The following RIOK1 variants were observed in gnomAD, a reference collection of about 807,000 sequenced individuals.
The protein encoded by RIOK1 is RIO kinase 1.
Under a neutral mutation model 73.5 loss-of-function variants are expected in RIOK1, and 66 were observed. The ratio of observed to expected loss-of-function variants is 0.90; its 90% CI spans 0.74 to 1.10. The LOEUF is 1.10. Among genes scored for constraint, RIOK1 ranks in the 50% least tolerant of loss-of-function variants. The pLI is 0.00. For missense variants in RIOK1, 658 were observed against 699.8 expected, an observed-to-expected ratio of 0.94 and a Z score of 0.67; for synonymous variants, 224 against 226.8, an observed-to-expected ratio of 0.99 and a Z score of 0.11.
intron 12 of RIOK1, among the ~76,000 whole-genome samples, chr6:7,407,077 A>T (rs1761764624): frequency 6.6e-6 from 1 of 152,234 alleles, no homozygotes; most frequent in Non-Finnish European, 1.5e-5. Flanking sequence ...GGCTATTCTG[A>T]ATAATGCTGC....
At chr6:7,390,604 G>C (rs933452803) in intron 1 of RIOK1, among the ~76,000 whole-genome samples, 1 of 152,194 alleles carries the variant, frequency 6.6e-6, no homozygotes, top group Non-Finnish European at 1.5e-5. Context: ...GAATGACAAG[G>C]AGCTAATCCT....
intron 16 of RIOK1, 106 bp downstream of exon 16, chr6:7,414,496 T>C: frequency 9.5e-7 from 1 of 1,055,932 alleles, no homozygotes; most frequent in Non-Finnish European, 1.4e-6. Flanking sequence ...AAAACATTAT[T>C]GATAAGTACC....
rs752734638 is a variant in RIOK1 at position 7,402,916 on chromosome 6, T to C, written c.767+19T>C. The stretch of plus-strand genomic sequence containing the variant: ...TAATCAGGTGACTGTCTGGGATGTG[T>C]GTATGTCTGTCCTATGCCCTGTACA... On this transcript the variant is annotated intron_variant, in intron 8 of 16. Coordinates refer to ENST00000379834, the MANE Select transcript of RIOK1 (RefSeq NM_031480.3). 5 of 1,608,680 alleles carry C rather than the reference T, an allele frequency of 3.1e-6. No homozygotes were observed. In the South Asian group the frequency reaches 5.5e-5, roughly 18 times the overall value.
At chr6:7,401,804 G>A (rs934121923) in intron 6 of RIOK1, among the ~76,000 whole-genome samples, 2 of 144,490 alleles carry the variant, frequency 1.4e-5, no homozygotes, top group Non-Finnish European at 1.5e-5. Flanking sequence ...TCACCCTCCC[G>A]AATAGCTGGG....
Position 7,402,914 on chromosome 6 carries a change from T to C in RIOK1, c.767+17T>C. 6.2e-7 allele frequency: 1 copy of C among 1,608,612 alleles called. No individual in the cohort carries two copies. The highest frequency in any genetic ancestry group is 8.5e-7 in the Non-Finnish European group (1 of 1,175,622). On this transcript the variant is annotated intron_variant, in intron 8 of 16. Transcript: ENST00000379834. ...CTTAATCAGGTGACTGTCTGGGATGTGTGTATGTCTGTCCTATGCCCTGTA... is the reference window on the plus strand; with the variant it reads ...CTTAATCAGGTGACTGTCTGGGATGCGTGTATGTCTGTCCTATGCCCTGTA...
intron 16 of RIOK1, 137 bp downstream of exon 16, chr6:7,414,527 C>T (rs924015762): frequency 1.2e-6 from 1 of 831,084 alleles, no homozygotes; most frequent in African/African-American, 1.7e-5. Flanking sequence ...GTTTTAATAC[C>T]TAAGTGTGAA....
intron 5 of RIOK1, among the ~76,000 whole-genome samples, chr6:7,400,548 G>C (rs1761586936): frequency 6.6e-6 from 1 of 152,198 alleles, no homozygotes; most frequent in Admixed American, 6.5e-5. Flanking sequence ...AGGTTGAAAT[G>C]ATAGCGTTTT....
chr6:7,395,191 A>G (rs780775666), intron 3 of RIOK1, 48 bp downstream of exon 3: 24 of 1,565,620 alleles, frequency 1.5e-5, no homozygotes, highest in African/African-American at 4.1e-5. Context: ...TTTTTCAAAA[A>G]CCATGGAGTG....
chr6:7,396,892 G>GGTGTGTGTGTGT lies in RIOK1; in HGVS notation c.437+137_437+148dup, dbSNP rs150425917. On this transcript the variant is annotated intron_variant, in intron 4 of 16. Coordinates refer to ENST00000379834, the MANE Select transcript of RIOK1 (RefSeq NM_031480.3). ...GTATACTTAAACCAATCATTATTTT[G>GGTGTGTGTGTGT]GTGTGTGTGTGTGTGTGTGTGTGTG... 1.6e-3 allele frequency: 660 copies of GGTGTGTGTGTGT among 416,510 alleles called. 1 individual carries two copies. The highest frequency in any genetic ancestry group is 5.5e-3 in the East Asian group (141 of 25,666). The allele number at this position is 416,510 out of a possible 1,614,324, so 25.8% of individuals were successfully genotyped here. A position where few individuals can be genotyped will look rare whatever the true frequency, so the allele number is the denominator to read the frequency against.
At chr6:7,402,499 C>T (rs1037627793) in intron 6 of RIOK1, 104 bp from the exon 7 acceptor site, 3 of 714,586 alleles carry the variant, frequency 4.2e-6, no homozygotes, top group African/African-American at 3.6e-5. Flanking sequence ...ATTCCTTATG[C>T]ATGTTATTTC....
intron 12 of RIOK1, among the ~76,000 whole-genome samples, chr6:7,409,217 GTGTGT>G: frequency 6.1e-5 from 1 of 16,338 alleles, no homozygotes; most frequent in Admixed American, 8.1e-4. Context: ...GACTAATTGT[GTGTGT>G]GTGTGTGTGT....
intron 16 of RIOK1, among the ~76,000 whole-genome samples, chr6:7,415,719 G>A (rs1238423381): frequency 6.6e-6 from 1 of 152,188 alleles, no homozygotes; most frequent in African/African-American, 2.4e-5. Flanking sequence ...GCCATTTACT[G>A]TAAGGAATAG....
In RIOK1 at chr6:7,404,534, A is replaced by G; in HGVS notation, c.971A>G (p.Asp324Gly). 1 of 1,614,134 alleles carries G rather than the reference A, an allele frequency of 6.2e-7. No homozygotes were observed. Among genetic ancestry groups the G allele is most frequent in the Non-Finnish European group, 8.5e-7 (1 of 1,180,008 alleles). ...CAGGATGCCAGACTTGTCCATGCAG[A>G]TCTCAGTGAATTTAACATGCTGTGA... ...MYQDARLVHA[D>G]LSEFNMLYHG... Residue 324 changes from aspartate to glycine, a missense_variant, in exon 10 of 17, where the codon GAT becomes GGT. Physicochemically the swap from Asp to Gly is moderately conservative, Grantham distance 94 (BLOSUM62 -1). Coordinates refer to ENST00000379834, the MANE Select transcript of RIOK1 (RefSeq NM_031480.3).
At chr6:7,392,125 A>G (rs1461913745) in intron 1 of RIOK1, among the ~76,000 whole-genome samples, 1 of 152,114 alleles carries the variant, frequency 6.6e-6, no homozygotes, top group Non-Finnish European at 1.5e-5. Context: ...TGGTATGCAC[A>G]ATTATTTGTA....
intron 4 of RIOK1, among the ~76,000 whole-genome samples, chr6:7,398,482 A>G (rs572189322): frequency 2.6e-5 from 4 of 152,210 alleles, no homozygotes; most frequent in Non-Finnish European, 5.9e-5. Context: ...TACTGTATAC[A>G]TACTCCTTTT....
Position 7,401,046 on chromosome 6 carries a change from A to G in RIOK1, c.569A>G (p.Lys190Arg). 6.3e-7 allele frequency: 1 copy of G among 1,582,104 alleles called. No homozygotes were observed. The highest frequency in any genetic ancestry group is 8.7e-7 in the Non-Finnish European group (1 of 1,153,730). ...TEINGCISTG[K>R]EANVYHASTA... ...ATAAATGGCTGCATTAGCACAGGAA[A>G]AGAAGTGAGCTCTTCTTTGGATGAT... Residue 190 changes from lysine to arginine, a missense_variant, in exon 6 of 17, where the codon AAA becomes AGA. Transcript: ENST00000379834.
chr6:7,392,551 A>G (rs986424383), intron 1 of RIOK1, among the ~76,000 whole-genome samples: 3 of 150,710 alleles, frequency 2.0e-5, no homozygotes, highest in African/African-American at 4.9e-5. Context: ...TTTTTTAGAG[A>G]CAGGGTTGCC....
Position 7,417,327 on chromosome 6 carries a change from A to T in RIOK1, c.1597-4A>T. On this transcript the variant is annotated splice_region_variant and splice_polypyrimidine_tract_variant and intron_variant, in intron 16 of 16. Transcript: ENST00000379834. ...AAGTTGGCTTTTTTGTTTGTTTTTT[A>T]CAGGAAAGAAAAAAGATGGTCAAGG... The T allele has an allele frequency of 6.6e-7, 1 of 1,509,064 alleles. No homozygotes were observed. Among genetic ancestry groups the T allele is most frequent in the Non-Finnish European group, 8.9e-7 (1 of 1,124,354 alleles). 93.5% of individuals were successfully genotyped at this position (1,509,064 alleles called of 1,614,324 possible). A position where few individuals can be genotyped will look rare whatever the true frequency, so the allele number is the denominator to read the frequency against.
At chr6:7,402,785 G>T (rs2113512792) in intron 7 of RIOK1, 32 bp from the exon 8 acceptor site, 1 of 1,603,836 alleles carries the variant, frequency 6.2e-7, no homozygotes, top group East Asian at 2.2e-5. Context: ...ATAATGGAAT[G>T]ATTGAAATAA....
Sources: allele counts gnomAD v4.1 joint callset (sites outside exome capture counted in the v4.1 genomes callset), GRCh38; gene constraint gnomAD v4.1.1; transcripts MANE v1.5; gene names NCBI Gene and HGNC (gene_info 2026-07-23, HGNC 2026-07-21).